TRAPPC9: variants seen among roughly 807,000 people sequenced by gnomAD.
The protein encoded by TRAPPC9 is trafficking protein particle complex subunit 9, also known as IKK2 binding protein.
Under a neutral mutation model 124.0 loss-of-function variants are expected in TRAPPC9, and 83 were observed. The observed-to-expected ratio is 0.67, with a 90% CI of 0.56 to 0.80. TRAPPC9 has a LOEUF of 0.80. TRAPPC9 is among the 30% of genes least tolerant of loss of function. TRAPPC9 has a pLI of 0.00. For missense variants in TRAPPC9, 1,302 were observed against 1,508.3 expected (o/e 0.86, Z 2.27); for synonymous variants, 638 against 617.5 (o/e 1.03, Z -0.49).
At chr8:140,411,336 C>G (rs2069699456) in intron 5 of TRAPPC9, among the ~76,000 whole-genome samples, 1 of 152,082 alleles carries the variant, frequency 6.6e-6, no homozygotes, top group South Asian at 2.1e-4. Flanking sequence ...CAAAATGAAC[C>G]TAAAATATCT....
At position 140,071,136 on chromosome 8, in the gene TRAPPC9, C is replaced by G. The variant is rs183998187; in HGVS notation, c.2557-47057G>C. Reference sequence around the variant, plus strand: ...AGAAATGGAGGATCAGATCATGAAACCTGCCTGAGCTGAAGCCAAGGCTAA... The same window carrying G: ...AGAAATGGAGGATCAGATCATGAAAGCTGCCTGAGCTGAAGCCAAGGCTAA... On this transcript the variant is annotated intron_variant, in intron 17 of 22. Transcript: ENST00000438773. 5.9e-5 allele frequency among the ~76,000 whole-genome samples: 9 copies of G among 152,328 alleles called. No homozygotes were observed. In the East Asian group the frequency reaches 1.2e-3, roughly 20 times the overall value.
intron 16 of TRAPPC9, among the ~76,000 whole-genome samples, chr8:140,236,713 A>G (rs1253315929): frequency 6.6e-6 from 1 of 152,254 alleles, no homozygotes; most frequent in Non-Finnish European, 1.5e-5. Flanking sequence ...ATATGAGGCA[A>G]TATTTTTGAA....
In TRAPPC9 at chr8:140,132,875, C is replaced by A. The variant is rs866573942; in HGVS notation, c.2556+88584G>T. On this transcript the variant is annotated intron_variant, in intron 17 of 22. Coordinates refer to ENST00000438773, the MANE Select transcript of TRAPPC9 (RefSeq NM_001160372.4). ...GCAAGTGCTAAGGCTTGGCAGCACG[C>A]AAGAGAGGCCATGGGCACCCAAGGA... Among the ~76,000 whole-genome samples, 47 of 152,224 alleles carry A rather than the reference C, an allele frequency of 3.1e-4. 1 individual carries two copies. Among genetic ancestry groups the A allele is most frequent in the Middle Eastern group, 3.4e-3 (1 of 294 alleles).
intron 20 of TRAPPC9, among the ~76,000 whole-genome samples, chr8:139,898,272 C>T (rs571024569): frequency 6.6e-6 from 1 of 152,314 alleles, no homozygotes; most frequent in African/African-American, 2.4e-5. Flanking sequence ...CGCCAGCCAC[C>T]CTGGGCTTCA....
chr8:139,980,930 C>T (rs964344691), intron 19 of TRAPPC9, among the ~76,000 whole-genome samples: 6 of 152,252 alleles, frequency 3.9e-5, no homozygotes, highest in South Asian at 2.1e-4. Flanking sequence ...AACCTCCTGT[C>T]GAAGGTTTCT....
At chr8:140,455,061 T>C (rs964402333) in intron 1 of TRAPPC9, among the ~76,000 whole-genome samples, 3 of 152,136 alleles carry the variant, frequency 2.0e-5, no homozygotes, top group African/African-American at 7.2e-5. Flanking sequence ...AGAGCTACTA[T>C]AAAACCAGCA....
intron 16 of TRAPPC9, among the ~76,000 whole-genome samples, chr8:140,248,343 C>T (rs1014301327): frequency 2.6e-5 from 4 of 152,252 alleles, no homozygotes; most frequent in Admixed American, 1.3e-4. Context: ...TATTTGCACT[C>T]ATCTGCTACT....
chr8:140,260,480 C>T (rs2131549651), intron 15 of TRAPPC9, among the ~76,000 whole-genome samples: 1 of 152,286 alleles, frequency 6.6e-6, no homozygotes, highest in South Asian at 2.1e-4. Context: ...TCTGTCGCAG[C>T]CATGCAAATT....
At position 140,014,437 on chromosome 8, in the gene TRAPPC9, A is replaced by AAAT. The variant is rs936004259; in HGVS notation, c.2699+9497_2699+9499dup. The stretch of plus-strand genomic sequence containing the variant: ...GTACTCCCTGGTGGGAGAACAGTAA[A>AAAT]AATAATAATAATAATAATGAGAATT... On this transcript the variant is annotated intron_variant, in intron 18 of 22. Transcript: ENST00000438773. 1.4e-4 allele frequency among the ~76,000 whole-genome samples: 21 copies of AAAT among 152,142 alleles called. No homozygotes were observed. In the South Asian group the frequency reaches 1.5e-3, roughly 11 times the overall value.
intron 19 of TRAPPC9, among the ~76,000 whole-genome samples, chr8:139,943,929 C>CA (rs1834057980): frequency 6.6e-6 from 1 of 152,084 alleles, no homozygotes; most frequent in South Asian, 2.1e-4. Context: ...ACCTGTGGAA[C>CA]AATATCAAAC....
intron 19 of TRAPPC9, among the ~76,000 whole-genome samples, chr8:139,934,901 G>A (rs1833415118): frequency 6.6e-6 from 1 of 152,344 alleles, no homozygotes. Context: ...CTACTTGTGG[G>A]CTGGGTCAAA....
rs541348902 is a variant in TRAPPC9, at chr8:140,204,978, T to C, written c.2556+16481A>G. Among the ~76,000 whole-genome samples the C allele has an allele frequency of 4.6e-5, 7 of 152,310 alleles. No homozygotes were observed. In the South Asian group the frequency reaches 1.2e-3, roughly 27 times the overall value. On this transcript the variant is annotated intron_variant, in intron 17 of 22. Transcript: ENST00000438773. ...AGGATGTAGGCCAGATGCCAGAAGGTTACGCTGGAGGAGCTTGCTCAAGAA... is the reference window on the plus strand; with the variant it reads ...AGGATGTAGGCCAGATGCCAGAAGGCTACGCTGGAGGAGCTTGCTCAAGAA...
intron 9 of TRAPPC9, among the ~76,000 whole-genome samples, chr8:140,346,360 C>T (rs545220835): frequency 3.3e-5 from 5 of 152,140 alleles, no homozygotes; most frequent in Non-Finnish European, 7.4e-5. Context: ...TCCACAAATA[C>T]CTGCAGAAAG....
At chr8:139,953,077 G>A (rs925445682) in intron 19 of TRAPPC9, among the ~76,000 whole-genome samples, 1 of 152,138 alleles carries the variant, frequency 6.6e-6, no homozygotes, top group Non-Finnish European at 1.5e-5. Flanking sequence ...CAGAGGCAGA[G>A]GACACGATGG....
At chr8:139,896,065 C>A (rs1408368959) in intron 20 of TRAPPC9, among the ~76,000 whole-genome samples, 1 of 152,224 alleles carries the variant, frequency 6.6e-6, no homozygotes, top group Non-Finnish European at 1.5e-5. Context: ...TGCTTTCGGA[C>A]ATGAGCCATA....
chr8:140,288,513 G>GT (rs1563919288), intron 12 of TRAPPC9, among the ~76,000 whole-genome samples: 1 of 152,172 alleles, frequency 6.6e-6, no homozygotes, highest in East Asian at 1.9e-4. Context: ...ATTGGAAGCA[G>GT]TACAGGTATG....
At chr8:140,340,228 C>A (rs112508174) in intron 9 of TRAPPC9, among the ~76,000 whole-genome samples, 5 of 152,336 alleles carry the variant, frequency 3.3e-5, no homozygotes, top group African/African-American at 7.2e-5. Context: ...AAGGCTCCCC[C>A]ATCTGTTCCC....
At chr8:140,232,053 C>T (rs1206167554) in intron 16 of TRAPPC9, among the ~76,000 whole-genome samples, 3 of 151,636 alleles carry the variant, frequency 2.0e-5, no homozygotes, top group South Asian at 2.1e-4. Flanking sequence ...GGATTACAGG[C>T]GTGAGCCACT....
chr8:140,377,647 A>T (rs141946483), intron 7 of TRAPPC9, among the ~76,000 whole-genome samples: 1 of 152,262 alleles, frequency 6.6e-6, no homozygotes, highest in East Asian at 1.9e-4. Context: ...CCCTCCAATG[A>T]CAACTCATGC....
Sources: allele counts gnomAD v4.1 joint callset (sites outside exome capture counted in the v4.1 genomes callset), GRCh38; gene constraint gnomAD v4.1.1; transcripts MANE v1.5; gene names NCBI Gene and HGNC (gene_info 2026-07-23, HGNC 2026-07-21).